The following MAPRE2 variants were observed in gnomAD, a reference collection of about 807,000 sequenced individuals.
MAPRE2 encodes the protein microtubule-associated protein RP/EB family member 2.
A neutral mutation model predicts 43.2 loss-of-function variants in MAPRE2; 13 were observed. That is an observed-to-expected ratio of 0.30 (90% CI 0.20 to 0.48). The LOEUF (loss-of-function observed/expected upper bound fraction) is 0.48, where lower values mean the gene tolerates loss of function less well. MAPRE2 is among the 20% of genes least tolerant of loss of function. The pLI is 0.99. For synonymous variants in MAPRE2, 135 were observed against 148.8 expected (o/e 0.91, Z 0.68); for missense variants, 161 against 400.2 (o/e 0.40, Z 5.10).
intron 2 of MAPRE2, among the ~76,000 whole-genome samples, chr18:35,093,806 T>C (rs1908272875): frequency 6.6e-6 from 1 of 152,112 alleles, no homozygotes; most frequent in Admixed American, 6.6e-5. Context: ...GGTCAGTGGG[T>C]ACAAAGTTAC....
intron 1 of MAPRE2, among the ~76,000 whole-genome samples, chr18:35,052,661 C>T (rs981700405): frequency 2.0e-5 from 3 of 152,054 alleles, no homozygotes; most frequent in Non-Finnish European, 4.4e-5. Flanking sequence ...ATGGTTGTAC[C>T]ATTTTACATT....
chr18:35,034,719 C>T (rs1320155067), intron 2 of MAPRE2, among the ~76,000 whole-genome samples: 1 of 152,184 alleles, frequency 6.6e-6, no homozygotes, highest in East Asian at 1.9e-4. Context: ...ACAGACACTT[C>T]TCAAAAGAAG....
Position 35,053,083 on chromosome 18 carries a change from A to C in MAPRE2, c.122+11422A>C, listed in dbSNP as rs202014495. On this transcript the variant is annotated intron_variant, in intron 1 of 6. Transcript: ENST00000300249. Reference sequence around the variant, plus strand: ...GCAATTAGTTACATGGTCCATCCTCAGTAAGTACATATTAAATGAGTCTAT... The same window carrying C: ...GCAATTAGTTACATGGTCCATCCTCCGTAAGTACATATTAAATGAGTCTAT... Among the ~76,000 whole-genome samples, 7 of 149,300 alleles carry C rather than the reference A, an allele frequency of 4.7e-5. No individual in the cohort carries two copies. The South Asian group carries it at 8.7e-4, about 19-fold the overall frequency.
chr18:35,004,973 G>A (rs1420915676), intron 1 of MAPRE2, among the ~76,000 whole-genome samples: 2 of 151,550 alleles, frequency 1.3e-5, no homozygotes, highest in African/African-American at 4.8e-5. Context: ...TTATTGGTAT[G>A]TACATTTTAA....
intron 4 of MAPRE2, among the ~76,000 whole-genome samples, chr18:35,121,305 G>T (rs533090929): frequency 6.6e-6 from 1 of 152,208 alleles, no homozygotes; most frequent in Non-Finnish European, 1.5e-5. Flanking sequence ...TGACCACTCC[G>T]AATTTTTTTA....
chr18:35,010,965 G>T (rs1377780733), intron 2 of MAPRE2, among the ~76,000 whole-genome samples: 2 of 152,126 alleles, frequency 1.3e-5, no homozygotes, highest in African/African-American at 4.8e-5. Flanking sequence ...CCTTCTGGAG[G>T]TTTGAAATGT....
chr18:35,066,967 G>C (rs1273399442), intron 1 of MAPRE2, among the ~76,000 whole-genome samples: 2 of 152,186 alleles, frequency 1.3e-5, no homozygotes, highest in Admixed American at 1.3e-4. Flanking sequence ...ATTTGAAGTA[G>C]GTATTGAAGT....
intron 1 of MAPRE2, among the ~76,000 whole-genome samples, chr18:34,980,023 CTTTTTTTCTTTTTTT>C (rs1329410200): frequency 2.3e-5 from 3 of 132,506 alleles, no homozygotes; most frequent in Non-Finnish European, 3.2e-5. Flanking sequence ...TTTTCTTTTT[CTTTTTTTCTTTTTTT>C]TTTTTTTTTT....
chr18:34,981,894 T>TA (rs1568959722), intron 1 of MAPRE2, among the ~76,000 whole-genome samples: 27 of 146,572 alleles, frequency 1.8e-4, no homozygotes, highest in African/African-American at 6.8e-4. Context: ...TTTATTTTTT[T>TA]TTTTTTTTGA....
chr18:35,128,360 C>T (rs1481587857), intron 5 of MAPRE2, among the ~76,000 whole-genome samples: 1 of 152,214 alleles, frequency 6.6e-6, no homozygotes, highest in Non-Finnish European at 1.5e-5. Context: ...CCAAGAAAAT[C>T]AGAGTAGACC....
chr18:35,082,467 C>A (rs1341990416), intron 2 of MAPRE2, among the ~76,000 whole-genome samples: 1 of 152,160 alleles, frequency 6.6e-6, no homozygotes, highest in African/African-American at 2.4e-5. Context: ...ACCTTTCCAA[C>A]ATTTATCCCC....
chr18:35,043,082 C>T (rs1393973070), intron 1 of MAPRE2, among the ~76,000 whole-genome samples: 1 of 152,198 alleles, frequency 6.6e-6, no homozygotes, highest in African/African-American at 2.4e-5. Context: ...ATTTCAAGTG[C>T]TTGTTATTCA....
intron 2 of MAPRE2, among the ~76,000 whole-genome samples, chr18:35,084,259 G>A (rs1398706092): frequency 2.0e-5 from 3 of 152,086 alleles, no homozygotes; most frequent in Non-Finnish European, 4.4e-5. Context: ...GGGTGACAGA[G>A]TGAGACTCCA....
At chr18:35,073,295 T>G (rs1269722234) in intron 2 of MAPRE2, among the ~76,000 whole-genome samples, 1 of 152,184 alleles carries the variant, frequency 6.6e-6, no homozygotes, top group Non-Finnish European at 1.5e-5. Flanking sequence ...TTCTATTTAT[T>G]TATTTATGAA....
At chr18:35,086,287 A>T (rs1603399491) in intron 2 of MAPRE2, among the ~76,000 whole-genome samples, 1 of 151,916 alleles carries the variant, frequency 6.6e-6, no homozygotes, top group Admixed American at 6.6e-5. Flanking sequence ...TATGAGATAC[A>T]TATATAGATA....
At chr18:35,033,322 TA>T (rs1246292491) in intron 2 of MAPRE2, among the ~76,000 whole-genome samples, 4 of 152,112 alleles carry the variant, frequency 2.6e-5, no homozygotes, top group African/African-American at 4.8e-5. Flanking sequence ...ACCTTCATGC[TA>T]AAAACTCTCA....
intron 4 of MAPRE2, among the ~76,000 whole-genome samples, chr18:35,120,210 A>G (rs527531106): frequency 6.6e-6 from 1 of 152,270 alleles, no homozygotes; most frequent in South Asian, 2.1e-4. Flanking sequence ...ATTCCCTACC[A>G]GGTCTTCATT....
At chr18:35,110,643 T>C (rs1408870932) in intron 4 of MAPRE2, among the ~76,000 whole-genome samples, 1 of 152,196 alleles carries the variant, frequency 6.6e-6, no homozygotes, top group African/African-American at 2.4e-5. Flanking sequence ...TGGCAAAAAT[T>C]ATTTTAGATT....
At chr18:35,060,690 T>C (rs918248217) in intron 1 of MAPRE2, among the ~76,000 whole-genome samples, 3 of 152,134 alleles carry the variant, frequency 2.0e-5, no homozygotes, top group Admixed American at 2.0e-4. Context: ...AAAACAAAAA[T>C]CCACCCGTAT....
Sources: gnomAD v4.1 joint callset for allele counts (sites outside exome capture counted in the v4.1 genomes callset) on GRCh38, gnomAD v4.1.1 for gene constraint, MANE v1.5 for transcripts, NCBI Gene and HGNC (gene_info 2026-07-23, HGNC 2026-07-21) for gene names.